The following ABCG2 variants were observed in gnomAD, a reference collection of about 807,000 sequenced individuals.
ABCG2 encodes broad substrate specificity ATP-binding cassette transporter ABCG2.
ABCG2 carries 80 observed loss-of-function variants against 73.5 expected under a neutral mutation model. That is an observed-to-expected ratio of 1.09 (90% CI 0.91 to 1.31). ABCG2 has a LOEUF of 1.31. Among genes scored for constraint, ABCG2 ranks in the 50% most tolerant of loss-of-function variants. The probability of loss-of-function intolerance (pLI) is 0.00; values close to 1 mark genes in which losing one functional copy is unlikely to be tolerated. For synonymous variants in ABCG2, 269 were observed against 282.4 expected, an observed-to-expected ratio of 0.95 and a Z score of 0.48; for missense variants, 796 against 786.2, an observed-to-expected ratio of 1.01 and a Z score of -0.15.
At chr4:88,150,511 C>A (rs960968018) in intron 1 of ABCG2, among the ~76,000 whole-genome samples, 2 of 152,154 alleles carry the variant, frequency 1.3e-5, no homozygotes, top group Admixed American at 1.3e-4. Context: ...CTGAATGGCA[C>A]TGGAAGGCAC....
At chr4:88,139,151 A>G (rs1041847955) in intron 2 of ABCG2, among the ~76,000 whole-genome samples, 9 of 152,204 alleles carry the variant, frequency 5.9e-5, no homozygotes, top group African/African-American at 2.2e-4. Context: ...AAAAAAAAAA[A>G]AAAAAGTGTG....
chr4:88,124,503 G>T (rs1724248815), intron 5 of ABCG2, among the ~76,000 whole-genome samples: 1 of 152,100 alleles, frequency 6.6e-6, no homozygotes, highest in Non-Finnish European at 1.5e-5. Context: ...AAAAGCAGGG[G>T]TTGCAATCCC....
chr4:88,097,376 A>G, intron 13 of ABCG2, 77 bp downstream of exon 13: 1 of 1,541,880 alleles, frequency 6.5e-7, no homozygotes, highest in Non-Finnish European at 8.8e-7. Context: ...AACAGGTTTT[A>G]CATGACAAGT....
intron 5 of ABCG2, among the ~76,000 whole-genome samples, chr4:88,122,812 G>A (rs1255743583): frequency 6.6e-6 from 1 of 152,234 alleles, no homozygotes; most frequent in Admixed American, 6.5e-5. Flanking sequence ...CTAGAGCTCT[G>A]CTAAGGGACA....
At chr4:88,193,438 C>T (rs905482774) in intron 1 of ABCG2, among the ~76,000 whole-genome samples, 1 of 152,158 alleles carries the variant, frequency 6.6e-6, no homozygotes, top group African/African-American at 2.4e-5. Flanking sequence ...ACTGTTTTCA[C>T]TGTATAATTT....
intron 1 of ABCG2, among the ~76,000 whole-genome samples, chr4:88,166,058 G>A (rs1261637422): frequency 1.3e-5 from 2 of 152,150 alleles, no homozygotes; most frequent in Admixed American, 1.3e-4. Flanking sequence ...TGCTAATGGA[G>A]GGACCCACTG....
chr4:88,128,100 A>C (rs1469018956), intron 5 of ABCG2, among the ~76,000 whole-genome samples: 1 of 152,220 alleles, frequency 6.6e-6, no homozygotes. Context: ...CCCCATCAAA[A>C]ATTGGGCAAA....
chr4:88,219,025 A>T (rs1729913165), intron 1 of ABCG2, among the ~76,000 whole-genome samples: 1 of 152,230 alleles, frequency 6.6e-6, no homozygotes, highest in Non-Finnish European at 1.5e-5. Context: ...GGGAATTGGG[A>T]ACCTAAGCAG....
At chr4:88,166,570 A>G (rs1320105808) in intron 1 of ABCG2, among the ~76,000 whole-genome samples, 1 of 152,212 alleles carries the variant, frequency 6.6e-6, no homozygotes, top group Admixed American at 6.5e-5. Flanking sequence ...TCCTCCCAAC[A>G]CTAATATGAG....
rs539777131 is a variant in ABCG2, at chr4:88,092,079, T to G, written c.*155A>C. The G allele has an allele frequency of 4.8e-5, 33 of 681,014 alleles. No homozygotes were observed. The African/African-American group carries it at 5.8e-4, about 12-fold the overall frequency. The allele number at this position is 681,014 out of a possible 1,614,324, so 42.2% of individuals were successfully genotyped here. On this transcript the variant is annotated 3_prime_UTR_variant, in exon 16 of 16. Coordinates refer to ENST00000237612, the MANE Select transcript of ABCG2 (RefSeq NM_004827.3). ...TTCTTTCATGTTTAATTCAGTTTGT[T>G]GTGATTTCTAAAAATGTATCTCTTT... is the stretch of plus-strand genomic sequence containing the variant.
At position 88,091,403 on chromosome 4, in the gene ABCG2, A is replaced by T. The variant is rs1721637442; in HGVS notation, c.*831T>A. On this transcript the variant is annotated 3_prime_UTR_variant, in exon 16 of 16. Coordinates refer to ENST00000237612, the MANE Select transcript of ABCG2 (RefSeq NM_004827.3). Reference sequence around the variant, plus strand: ...AATTTTCAGAACTTGGAAATTACCAAATCCAGGAGTGGTCAGATTCCTTTA... The same window carrying T: ...AATTTTCAGAACTTGGAAATTACCATATCCAGGAGTGGTCAGATTCCTTTA... 1 of 152,228 alleles carries T rather than the reference A, an allele frequency of 6.6e-6. No individual in the cohort carries two copies. Among genetic ancestry groups the T allele is most frequent in the South Asian group, 2.1e-4 (1 of 4,824 alleles). The allele number at this position is 152,228 out of a possible 1,614,324, so 9.4% of individuals were successfully genotyped here. A position where few individuals can be genotyped will look rare whatever the true frequency, so the allele number is the denominator to read the frequency against.
At chr4:88,137,307 C>T (rs1725323155) in intron 2 of ABCG2, among the ~76,000 whole-genome samples, 1 of 152,154 alleles carries the variant, frequency 6.6e-6, no homozygotes, top group South Asian at 2.1e-4. Flanking sequence ...TGGTGGCTGA[C>T]TCAGGCAGGA....
At chr4:88,143,451 G>A (rs1176335236) in intron 1 of ABCG2, among the ~76,000 whole-genome samples, 1 of 152,068 alleles carries the variant, frequency 6.6e-6, no homozygotes, top group African/African-American at 2.4e-5. Context: ...GACTCAAGAC[G>A]GAAATTTTAA....
chr4:88,164,051 G>A (rs143524170), upstream of ABCG2: 107 of 153,624 alleles, frequency 7.0e-4, 3 homozygotes, highest in East Asian at 0.019. Context: ...TGGTTTTGCT[G>A]TGTCCCTACC....
intron 1 of ABCG2, among the ~76,000 whole-genome samples, chr4:88,219,811 G>A (rs564151373): frequency 6.9e-4 from 103 of 149,728 alleles, no homozygotes; most frequent in Non-Finnish European, 1.2e-3. Flanking sequence ...GGATGGTCTC[G>A]ATCTCCTGAC....
intron 1 of ABCG2, among the ~76,000 whole-genome samples, chr4:88,185,946 G>T (rs1050545398): frequency 2.0e-5 from 3 of 152,118 alleles, no homozygotes; most frequent in Non-Finnish European, 2.9e-5. Flanking sequence ...GAATAGTTTG[G>T]AGGTTTCTCA....
chr4:88,138,911 G>A (rs1474458692), intron 2 of ABCG2, among the ~76,000 whole-genome samples: 1 of 152,158 alleles, frequency 6.6e-6, no homozygotes, highest in African/African-American at 2.4e-5. Context: ...GGGAGGCTGA[G>A]GCGGGTGGAT....
chr4:88,139,197 T>C (rs999308607), intron 2 of ABCG2, among the ~76,000 whole-genome samples: 1 of 151,008 alleles, frequency 6.6e-6, no homozygotes, highest in African/African-American at 2.4e-5. Context: ...GTGCATCAAG[T>C]TACTCATCTA....
chr4:88,210,021 T>TAAAAC (rs547660232), intron 1 of ABCG2, among the ~76,000 whole-genome samples: 171 of 152,282 alleles, frequency 1.1e-3, no homozygotes, highest in African/African-American at 3.8e-3. Context: ...ATGTGTCCTA[T>TAAAAC]AAAACAAAAC....
Sources: allele counts gnomAD v4.1 joint callset (sites outside exome capture counted in the v4.1 genomes callset), GRCh38; gene constraint gnomAD v4.1.1; transcripts MANE v1.5; gene names NCBI Gene and HGNC (gene_info 2026-07-23, HGNC 2026-07-21).